Variants in CWF19L1 observed in about 807,000 individuals in gnomAD.
CWF19L1 encodes the protein CWF19 like cell cycle control factor 1.
A neutral mutation model predicts 69.7 loss-of-function variants in CWF19L1; 60 were observed. The ratio of observed to expected loss-of-function variants is 0.86; its 90% CI spans 0.70 to 1.07. The LOEUF (loss-of-function observed/expected upper bound fraction) is 1.07. Among genes scored for constraint, CWF19L1 ranks in the 50% least tolerant of loss-of-function variants. The pLI is 0.00. For missense variants in CWF19L1, 591 were observed against 638.9 expected, an observed-to-expected ratio of 0.92 and a Z score of 0.81; for synonymous variants, 209 against 222.2, an observed-to-expected ratio of 0.94 and a Z score of 0.53.
chr10:100,253,033 G>A (rs1276228618), intron 6 of CWF19L1, among the ~76,000 whole-genome samples: 1 of 151,926 alleles, frequency 6.6e-6, no homozygotes, highest in East Asian at 1.9e-4. Context: ...TTAAAGAAAT[G>A]GGGCTCCCTA....
intron 4 of CWF19L1, among the ~76,000 whole-genome samples, chr10:100,257,957 G>C (rs1453419828): frequency 6.6e-6 from 1 of 152,074 alleles, no homozygotes; most frequent in Non-Finnish European, 1.5e-5. Context: ...AGAACTCTCG[G>C]ACCAGCACAG....
intron 1 of CWF19L1, chr10:100,262,467 A>C (rs1589634822): frequency 1.0e-6 from 1 of 985,262 alleles, no homozygotes; most frequent in East Asian, 1.1e-4. Context: ...GACTCCTCCT[A>C]TCTTAGTACA....
chr10:100,264,609 CAAAA>C (rs34568805), intron 1 of CWF19L1, among the ~76,000 whole-genome samples: 8 of 100,562 alleles, frequency 8.0e-5, no homozygotes, highest in Non-Finnish European at 2.2e-5. Flanking sequence ...CCTACGTATT[CAAAA>C]AAAAAAAAAA....
At chr10:100,243,147 A>G (rs1345586219) in intron 10 of CWF19L1, among the ~76,000 whole-genome samples, 1 of 152,232 alleles carries the variant, frequency 6.6e-6, no homozygotes, top group African/African-American at 2.4e-5. Context: ...TCCTAGGTCT[A>G]TATCCACACA....
At chr10:100,251,806 C>T (rs1336206310) in intron 6 of CWF19L1, among the ~76,000 whole-genome samples, 1 of 152,126 alleles carries the variant, frequency 6.6e-6, no homozygotes, top group African/African-American at 2.4e-5. Context: ...CCACCACACC[C>T]AGCCCTATTG....
intron 7 of CWF19L1, chr10:100,248,655 CT>C: frequency 1.2e-6 from 1 of 851,884 alleles, no homozygotes; most frequent in Non-Finnish European, 2.0e-6. Flanking sequence ...TGGTGGCTCA[CT>C]TTGATGCTGG....
rs370763731 is a variant in CWF19L1 at position 100,260,324 on chromosome 10, T to G, written c.188-5A>C. On this transcript the variant is annotated splice_region_variant and splice_polypyrimidine_tract_variant and intron_variant, in intron 3 of 13. Coordinates refer to ENST00000354105, the MANE Select transcript of CWF19L1 (RefSeq NM_018294.6). ...GCACATATGTCTGAATAGGAGCTAG[T>G]GAGGGAAACAGACATGACACCATAT... 2.6e-6 allele frequency: 4 copies of G among 1,538,290 alleles called. No homozygotes were observed. The African/African-American group carries it at 5.5e-5, about 21-fold the overall frequency.
chr10:100,259,514 G>A (rs1847323099), intron 4 of CWF19L1, among the ~76,000 whole-genome samples: 2 of 152,152 alleles, frequency 1.3e-5, no homozygotes, highest in Admixed American at 6.5e-5. Context: ...CAAGTAAGCT[G>A]TATATACCTA....
chr10:100,246,515 G>T (rs1232147541), intron 8 of CWF19L1, among the ~76,000 whole-genome samples: 1 of 152,164 alleles, frequency 6.6e-6, no homozygotes, highest in Non-Finnish European at 1.5e-5. Context: ...GCTAAGAACA[G>T]ATAATCACTT....
At chr10:100,235,795 CAAT>C (rs1846414925) in intron 12 of CWF19L1, 31 bp from the exon 13 acceptor site, 3 of 1,420,758 alleles carry the variant, frequency 2.1e-6, no homozygotes, top group Admixed American at 3.5e-5. Flanking sequence ...TGAGGATGTC[CAAT>C]AATGCTTTAA....
At chr10:100,263,811 A>G (rs1310095869) in intron 1 of CWF19L1, among the ~76,000 whole-genome samples, 1 of 152,188 alleles carries the variant, frequency 6.6e-6, no homozygotes, top group East Asian at 1.9e-4. Context: ...CTGAATCCCT[A>G]AACTATTCCT....
rs1454834644 is a variant in CWF19L1, at chr10:100,253,373, T to A, written c.623+48A>T. On this transcript the variant is annotated intron_variant, in intron 6 of 13. Transcript: ENST00000354105. ...GAACAAGAGAAGTTTATACAGAAGA[T>A]CCATGGCAAATTCTTCAAAAAGCCA... The A allele has an allele frequency of 8.1e-6, 9 of 1,112,910 alleles. No homozygotes were observed. In the East Asian group the frequency reaches 1.4e-4, roughly 18 times the overall value. 68.9% of individuals were successfully genotyped at this position (1,112,910 alleles called of 1,614,324 possible).
rs1422519208 is a variant in CWF19L1, at chr10:100,260,213, C to T, written c.289+5G>A. 3 of 1,566,922 alleles carry T rather than the reference C, an allele frequency of 1.9e-6. No individual in the cohort carries two copies. Among genetic ancestry groups the T allele is most frequent in the Non-Finnish European group, 2.6e-6 (3 of 1,144,010 alleles). On this transcript the variant is annotated splice_donor_5th_base_variant and intron_variant, in intron 4 of 13. Transcript: ENST00000354105. Reference sequence around the variant, plus strand: ...AAAAAAAAAATACAACAAGTATCAGCTTACCCAGATAAGTAATGTTTTCAG... The same window carrying T: ...AAAAAAAAAATACAACAAGTATCAGTTTACCCAGATAAGTAATGTTTTCAG...
chr10:100,261,077 T>G (rs773549799), intron 2 of CWF19L1, 33 bp from the exon 3 acceptor site: 14 of 1,402,364 alleles, frequency 1.0e-5, no homozygotes, highest in Non-Finnish European at 1.3e-5. Context: ...ATATATGAGA[T>G]TTTAAAATAT....
intron 6 of CWF19L1, 64 bp from the exon 7 acceptor site, chr10:100,250,396 T>A (rs925726934): frequency 2.9e-5 from 29 of 984,326 alleles, no homozygotes; most frequent in Admixed American, 2.7e-4. Context: ...AATGACAAAA[T>A]ATGTGGACTC....
At chr10:100,235,003 G>A (rs535569345) in intron 13 of CWF19L1, among the ~76,000 whole-genome samples, 1 of 152,210 alleles carries the variant, frequency 6.6e-6, no homozygotes, top group South Asian at 2.1e-4. Context: ...ATCCAGTGGG[G>A]TAACCATTAG....
intron 10 of CWF19L1, among the ~76,000 whole-genome samples, chr10:100,242,724 C>G (rs543926534): frequency 4.6e-5 from 7 of 151,034 alleles, no homozygotes; most frequent in African/African-American, 1.5e-4. Context: ...GAATCTGAAG[C>G]TATAAAAAGA....
chr10:100,251,121 A>G (rs968941898), intron 6 of CWF19L1, among the ~76,000 whole-genome samples: 1 of 152,184 alleles, frequency 6.6e-6, no homozygotes, highest in African/African-American at 2.4e-5. Context: ...CCCATTCACC[A>G]GGTGATGGAC....
In CWF19L1 at chr10:100,245,796, T is replaced by C; in HGVS notation, c.964+3A>G. 1 of 1,607,824 alleles carries C rather than the reference T, an allele frequency of 6.2e-7. No homozygotes were observed. The highest frequency in any genetic ancestry group is 8.5e-7 in the Non-Finnish European group (1 of 1,174,246). On this transcript the variant is annotated splice_donor_region_variant and intron_variant, in intron 9 of 13. Coordinates refer to ENST00000354105, the MANE Select transcript of CWF19L1 (RefSeq NM_018294.6). ...AAGAAACCTCTGGAATAAAGGTACTTACGAGGTTTGCGAGGCTGCTTTGGA... is the reference window on the plus strand; with the variant it reads ...AAGAAACCTCTGGAATAAAGGTACTCACGAGGTTTGCGAGGCTGCTTTGGA...
Sources: gnomAD v4.1 joint callset for allele counts (sites outside exome capture counted in the v4.1 genomes callset) on GRCh38, gnomAD v4.1.1 for gene constraint, MANE v1.5 for transcripts, NCBI Gene and HGNC (gene_info 2026-07-23, HGNC 2026-07-21) for gene names.